ATR: variants seen among roughly 807,000 people sequenced by gnomAD.
ATR encodes the protein serine/threonine-protein kinase ATR.
Under a neutral mutation model 305.3 loss-of-function variants are expected in ATR, and 142 were observed. The ratio of observed to expected loss-of-function variants is 0.47; its 90% CI spans 0.41 to 0.53. The LOEUF is 0.53. Ranked by LOEUF, ATR falls within the 20% of genes least tolerant of loss-of-function variation. The pLI, the probability that ATR is intolerant of heterozygous loss-of-function variation, is 0.00. For synonymous variants in ATR, 1,050 were observed against 1,068.1 expected (o/e 0.98, Z 0.33); for missense variants, 2,135 against 3,133.1 (o/e 0.68, Z 7.60).
At chr3:142,465,885 A>AG (rs1199110996) in intron 40 of ATR, 1 of 184,190 alleles carries the variant, frequency 5.4e-6, no homozygotes, top group African/African-American at 2.4e-5. Context: ...ATGCACCTGT[A>AG]GTCCCAGCTA....
rs557244864 is a variant in ATR at position 142,449,888 on chromosome 3, T to A, written c.7762-286A>T. On this transcript the variant is annotated intron_variant, in intron 46 of 46. Coordinates refer to ENST00000350721, the MANE Select transcript of ATR (RefSeq NM_001184.4). ...TTACAATTCTAGAAAAATAATTTTT[T>A]AAATCTGCTTTGGAAGTGTTTAGGA... is the stretch of plus-strand genomic sequence containing the variant. 1.1e-3 allele frequency: 482 copies of A among 442,340 alleles called. 2 individuals are homozygous for A. The highest frequency in any genetic ancestry group is 1.5e-3 in the Non-Finnish European group (365 of 240,522). The allele number at this position is 442,340 out of a possible 1,614,324, so 27.4% of individuals were successfully genotyped here.
At chr3:142,485,053 G>A (rs2030822334) in intron 36 of ATR, 87 bp downstream of exon 36, 5 of 1,564,144 alleles carry the variant, frequency 3.2e-6, no homozygotes, top group Non-Finnish European at 4.4e-6. Flanking sequence ...AAAATACCTA[G>A]AATATGCTAA....
chr3:142,450,124 G>A (rs922100859), intron 46 of ATR: 14 of 288,122 alleles, frequency 4.9e-5, no homozygotes, highest in East Asian at 9.1e-5. Context: ...TGCAGCCCAC[G>A]AGCACAAAGA....
intron 40 of ATR, chr3:142,465,669 T>A (rs1559910318): frequency 1.2e-5 from 2 of 161,584 alleles, no homozygotes; most frequent in African/African-American, 4.8e-5. Context: ...TAAGTGTACC[T>A]AATGAAGTGA....
rs1198722562 is a variant in ATR, at chr3:142,560,291, C to T, written c.1513G>A (p.Val505Ile). ...TTCATGTTTTGATGAGAACAATGAA[C>T]AGTACACAGAGCAGTCAGTTGTAAG... ...VVLQLTALCTVHCSHQNMNCR... is the reference protein window; with the variant it reads ...VVLQLTALCTIHCSHQNMNCR... The change falls in exon 6 of 47, where the codon GTT becomes ATT. Residue 505 changes from valine (V) to isoleucine (I), a missense_variant. Physicochemically the swap from Val to Ile is conservative, Grantham distance 29 (BLOSUM62 3). Coordinates refer to ENST00000350721, the MANE Select transcript of ATR (RefSeq NM_001184.4). The T allele has an allele frequency of 6.2e-7, 1 of 1,613,896 alleles. No individual in the cohort carries two copies. Among genetic ancestry groups the T allele is most frequent in the South Asian group, 1.1e-5 (1 of 91,086 alleles).
intron 1 of ATR, among the ~76,000 whole-genome samples, chr3:142,571,125 T>G (rs1663428730): frequency 6.6e-6 from 1 of 152,158 alleles, no homozygotes; most frequent in Non-Finnish European, 1.5e-5. Flanking sequence ...GATCCTCTGC[T>G]TCAAAGAACT....
chr3:142,544,353 GA>G (rs2034178757), intron 16 of ATR, among the ~76,000 whole-genome samples: 1 of 147,868 alleles, frequency 6.8e-6, no homozygotes, highest in Admixed American at 6.8e-5. Context: ...TCAGGAGGCT[GA>G]GGTGGGAAGA....
At chr3:142,475,871 G>A (rs1024104430) in intron 36 of ATR, among the ~76,000 whole-genome samples, 17 of 152,134 alleles carry the variant, frequency 1.1e-4, no homozygotes, top group African/African-American at 3.9e-4. Context: ...TTTTTTTCAT[G>A]TGTCTGTTGG....
In ATR at chr3:142,497,151, A is replaced by G. The variant is rs2108336651; in HGVS notation, c.5600T>C (p.Leu1867Pro). ...LCELEHSIKP[L>P]FQHSPGDSSQ... ...ACTGTCACCTGGAGAATGCTGGAAA[A>G]GTGGTTTGATGCTATGCTCCAACTC... Residue 1867 changes from leucine to proline, a missense_variant, in exon 33 of 47, where the codon CTT becomes CCT. This residue lies in a region of ATR where 117 missense variants were observed against 198.3 expected (regional missense o/e 0.59). Coordinates refer to ENST00000350721, the MANE Select transcript of ATR (RefSeq NM_001184.4). 2 of 1,614,094 alleles carry G rather than the reference A, an allele frequency of 1.2e-6. No homozygotes were observed. The highest frequency in any genetic ancestry group is 1.7e-6 in the Non-Finnish European group (2 of 1,179,992).
rs117268570 is a variant in ATR, at chr3:142,578,531, G to A, written c.59+115C>T. The A allele has an allele frequency of 6.3e-4, 773 of 1,236,660 alleles. 14 individuals are homozygous for A. In the East Asian group the frequency reaches 0.017, roughly 28 times the overall value. 76.6% of individuals were successfully genotyped at this position (1,236,660 alleles called of 1,614,324 possible). ...GCCACGGAGCATCTCCACAAGGGCCGCAGCGGGGGCTTAGGGGATCCCAGC... is the reference window on the plus strand; with the variant it reads ...GCCACGGAGCATCTCCACAAGGGCCACAGCGGGGGCTTAGGGGATCCCAGC... On this transcript the variant is annotated intron_variant, in intron 1 of 46. Transcript: ENST00000350721.
chr3:142,496,289 T>TACATATATAC lies in ATR; in HGVS notation c.5898+71_5898+72insGTATATATGT, dbSNP rs1559937428. On this transcript the variant is annotated intron_variant, in intron 34 of 46. Transcript: ENST00000350721. Reference sequence around the variant, plus strand: ...TACATAATTCCCGACTATATATATATATATATATATATATATATATATATA... The same window carrying TACATATATAC: ...TACATAATTCCCGACTATATATATATACATATATACATATATATATATATATATATATATA... The TACATATATAC allele has an allele frequency of 3.1e-4, 8 of 26,162 alleles. 1 individual carries two copies. Among genetic ancestry groups the TACATATATAC allele is most frequent in the African/African-American group, 1.9e-3 (8 of 4,296 alleles). The allele number at this position is 26,162 out of a possible 1,614,324, so 1.6% of individuals were successfully genotyped here.
intron 36 of ATR, among the ~76,000 whole-genome samples, chr3:142,475,461 G>T (rs372726602): frequency 3.9e-4 from 60 of 152,070 alleles, no homozygotes; most frequent in African/African-American, 1.4e-3. Context: ...TATTCCATGG[G>T]GTATATGTGC....
chr3:142,543,964 C>T (rs2034162774), intron 16 of ATR, among the ~76,000 whole-genome samples: 1 of 152,106 alleles, frequency 6.6e-6, no homozygotes, highest in African/African-American at 2.4e-5. Context: ...AGCCACTGTG[C>T]TCGGCCAAGT....
chr3:142,571,035 G>C (rs112788220), intron 1 of ATR, among the ~76,000 whole-genome samples: 2 of 152,278 alleles, frequency 1.3e-5, no homozygotes, highest in Non-Finnish European at 2.9e-5. Context: ...GGACAGGAGG[G>C]TAACTCTTTC....
In ATR at chr3:142,479,849, A is replaced by C. The variant is rs2030286325; in HGVS notation, c.6221+5291T>G. 3.9e-5 allele frequency among the ~76,000 whole-genome samples: 6 copies of C among 152,270 alleles called. No individual in the cohort carries two copies. The South Asian group carries it at 1.2e-3, about 32-fold the overall frequency. Reference sequence around the variant, plus strand: ...CATTTCATTCATTTGATCTTCAATCACTGATACCCTTTCTTCCAGTTGATC... The same window carrying C: ...CATTTCATTCATTTGATCTTCAATCCCTGATACCCTTTCTTCCAGTTGATC... On this transcript the variant is annotated intron_variant, in intron 36 of 46. Coordinates refer to ENST00000350721, the MANE Select transcript of ATR (RefSeq NM_001184.4).
rs79841072 is a variant in ATR at position 142,538,927 on chromosome 3, A to G, written c.3582-302T>C. Among the ~76,000 whole-genome samples the G allele has an allele frequency of 0.039, 6,000 of 152,228 alleles. 391 individuals are homozygous for G. The highest frequency in any genetic ancestry group is 0.14 in the African/African-American group (5,708 of 41,540). On this transcript the variant is annotated intron_variant, in intron 18 of 46. Transcript: ENST00000350721. ...GATATACAAAAATTAATAAAAATAG[A>G]TATCTGTAGAGGTCGAAATTGGAAT...
chr3:142,496,791 C>T (rs935883809), intron 33 of ATR, among the ~76,000 whole-genome samples: 1 of 151,918 alleles, frequency 6.6e-6, no homozygotes, highest in Non-Finnish European at 1.5e-5. Context: ...AAAAACATAT[C>T]CCCCAGATAT....
At position 142,558,605 on chromosome 3, in the gene ATR, C is replaced by T. The variant is rs375062817; in HGVS notation, c.1885+19G>A. 1.2e-4 allele frequency: 192 copies of T among 1,602,824 alleles called. No individual in the cohort carries two copies. The highest frequency in any genetic ancestry group is 2.0e-4 in the Admixed American group (12 of 59,756). On this transcript the variant is annotated intron_variant, in intron 8 of 46. Coordinates refer to ENST00000350721, the MANE Select transcript of ATR (RefSeq NM_001184.4). ...AGATAAATAAAACAAACCACACACA[C>T]ATTCTTGTGAGCACTTACAATAGCT...
At position 142,465,171 on chromosome 3, in the gene ATR, T is replaced by G. The variant is rs180819393; in HGVS notation, c.6967A>C (p.Ile2323Leu). The G allele has an allele frequency of 5.9e-5, 95 of 1,609,396 alleles. No individual in the cohort carries two copies. Among genetic ancestry groups the G allele is most frequent in the Non-Finnish European group, 1.7e-6 (2 of 1,176,424 alleles). Residue 2323 changes from isoleucine to leucine, a missense_variant, in exon 41 of 47, where the codon ATC becomes CTC. By Grantham distance (5) the Ile-to-Leu change is conservative. This residue lies in a region of ATR where 462 missense variants were observed against 887.6 expected (regional missense o/e 0.52). Transcript: ENST00000350721. ...SLKGSDGKFY[I>L]MMCKPKDDLR... ...TCATCTTTTGGCTTACACATCATGATGTAGAACTTTCCATCTGAGCCTTTT... is the reference window on the plus strand; with the variant it reads ...TCATCTTTTGGCTTACACATCATGAGGTAGAACTTTCCATCTGAGCCTTTT...
Sources: allele counts gnomAD v4.1 joint callset (sites outside exome capture counted in the v4.1 genomes callset), GRCh38; gene constraint gnomAD v4.1.1; regional missense constraint gnomAD v4.1.1; transcripts MANE v1.5; gene names NCBI Gene and HGNC (gene_info 2026-07-23, HGNC 2026-07-21).